Variants in GPM6A observed in about 807,000 individuals in gnomAD.
The protein encoded by GPM6A is neuronal membrane glycoprotein M6-a.
GPM6A carries 7 observed loss-of-function variants against 32.1 expected under a neutral mutation model. That is an observed-to-expected ratio of 0.22 (90% CI 0.12 to 0.41). GPM6A has a LOEUF of 0.41. Ranked by LOEUF, GPM6A falls within the 10% of genes least tolerant of loss-of-function variation. The probability of loss-of-function intolerance (pLI) is 1.00; values close to 1 mark genes in which losing one functional copy is unlikely to be tolerated. For synonymous variants in GPM6A, 130 were observed against 123.4 expected, an observed-to-expected ratio of 1.05 and a Z score of -0.35; for missense variants, 235 against 347.2, an observed-to-expected ratio of 0.68 and a Z score of 2.57.
At chr4:175,648,059 C>T (rs1741571660) in intron 4 of GPM6A, among the ~76,000 whole-genome samples, 1 of 151,834 alleles carries the variant, frequency 6.6e-6, no homozygotes, top group Admixed American at 6.6e-5. Flanking sequence ...ATAATTTTAA[C>T]CACATATTTA....
intron 1 of GPM6A, among the ~76,000 whole-genome samples, chr4:175,715,448 G>A (rs1380116376): frequency 6.6e-6 from 1 of 152,074 alleles, no homozygotes; most frequent in East Asian, 1.9e-4. Flanking sequence ...TTGCACGTAC[G>A]GCACCTCAGC....
chr4:175,708,842 T>G (rs1027416868), intron 1 of GPM6A, among the ~76,000 whole-genome samples: 1 of 152,156 alleles, frequency 6.6e-6, no homozygotes, highest in Non-Finnish European at 1.5e-5. Flanking sequence ...CTAGTGAAGT[T>G]TATACCAGCC....
chr4:175,637,668 A>ATATTATATAATATAT (rs79302257), intron 6 of GPM6A, among the ~76,000 whole-genome samples: 1 of 63,712 alleles, frequency 1.6e-5, no homozygotes, highest in Non-Finnish European at 2.4e-5. Context: ...AATATATAAT[A>ATATTATATAATATAT]TATATAATAT....
intron 1 of GPM6A, among the ~76,000 whole-genome samples, chr4:175,715,203 T>C (rs1206438420): frequency 6.6e-6 from 1 of 152,182 alleles, no homozygotes; most frequent in Non-Finnish European, 1.5e-5. Context: ...AAAATACTCA[T>C]TCATTCATTT....
chr4:175,703,627 G>GGA (rs1324839463), intron 1 of GPM6A, among the ~76,000 whole-genome samples: 2 of 152,214 alleles, frequency 1.3e-5, no homozygotes, highest in Non-Finnish European at 2.9e-5. Flanking sequence ...AGAAAATGAT[G>GGA]GTAAATATTC....
intron 1 of GPM6A, among the ~76,000 whole-genome samples, chr4:175,908,968 T>C (rs1323653297): frequency 7.3e-6 from 1 of 137,740 alleles, no homozygotes; most frequent in Non-Finnish European, 1.5e-5. Context: ...TTCCCATCGC[T>C]CTTGAACGAG....
chr4:175,950,804 A>G (rs541966481), intron 1 of GPM6A, among the ~76,000 whole-genome samples: 1 of 152,346 alleles, frequency 6.6e-6, no homozygotes, highest in South Asian at 2.1e-4. Flanking sequence ...ACCTTAAATG[A>G]TTAATAGCAA....
upstream of GPM6A, chr4:175,812,720 C>T (rs1734978845): frequency 2.1e-5 from 21 of 985,568 alleles, no homozygotes; most frequent in South Asian, 9.4e-4. Flanking sequence ...AAGCCGACCA[C>T]CAACCCGTAA....
intron 1 of GPM6A, among the ~76,000 whole-genome samples, chr4:175,959,783 C>G (rs1201887673): frequency 3.3e-5 from 5 of 152,080 alleles, no homozygotes; most frequent in African/African-American, 1.2e-4. Context: ...ATAGAAATGG[C>G]CAATCATCTG....
upstream of GPM6A, chr4:175,812,394 G>C: frequency 1.5e-6 from 2 of 1,316,266 alleles, no homozygotes; most frequent in East Asian, 3.0e-5. Flanking sequence ...CTTAGCTCAG[G>C]CTCCCTCGTT....
intron 1 of GPM6A, among the ~76,000 whole-genome samples, chr4:175,749,531 G>T (rs543628657): frequency 4.6e-5 from 7 of 152,254 alleles, no homozygotes; most frequent in African/African-American, 1.7e-4. Context: ...TAACTTTAAA[G>T]CATACAGAAG....
At position 175,684,574 on chromosome 4, in the gene GPM6A, T is replaced by A. The variant is rs543264545; in HGVS notation, c.231-10738A>T. Among the ~76,000 whole-genome samples, 19 of 152,314 alleles carry A rather than the reference T, an allele frequency of 1.2e-4. 1 individual carries two copies. The South Asian group carries it at 3.7e-3, about 30-fold the overall frequency. ...TCAATTTTATCTAAAAGATAAAATC[T>A]AACTTTATCTTTTTTTCAAAATGGC... is the stretch of plus-strand genomic sequence containing the variant. On this transcript the variant is annotated intron_variant, in intron 2 of 6. Transcript: ENST00000393658.
chr4:175,990,999 T>A (rs1163552278), intron 1 of GPM6A, among the ~76,000 whole-genome samples: 3 of 152,106 alleles, frequency 2.0e-5, no homozygotes, highest in Non-Finnish European at 4.4e-5. Context: ...TAGAGAAATT[T>A]GCTTTCTTAC....
At chr4:175,931,709 C>CACATATATAT (rs1324269132) in intron 1 of GPM6A, among the ~76,000 whole-genome samples, 20 of 129,330 alleles carry the variant, frequency 1.5e-4, no homozygotes, top group African/African-American at 5.4e-4. Flanking sequence ...CACACACACA[C>CACATATATAT]ATATATATAT....
chr4:175,688,472 T>C (rs1744118046), intron 2 of GPM6A, among the ~76,000 whole-genome samples: 1 of 152,206 alleles, frequency 6.6e-6, no homozygotes, highest in African/African-American at 2.4e-5. Flanking sequence ...TGTCATTGTG[T>C]CTTCTTGGTG....
chr4:175,976,841 T>A (rs1029018193), intron 1 of GPM6A, among the ~76,000 whole-genome samples: 1 of 152,016 alleles, frequency 6.6e-6, no homozygotes, highest in African/African-American at 2.4e-5. Flanking sequence ...ACACACAAAT[T>A]GCATAACAAG....
intron 1 of GPM6A, among the ~76,000 whole-genome samples, chr4:175,886,400 A>G (rs1737456636): frequency 6.6e-6 from 1 of 152,214 alleles, no homozygotes; most frequent in African/African-American, 2.4e-5. Context: ...AGAACCTTAA[A>G]GCAGGCTAAA....
Position 175,668,507 on chromosome 4 carries a change from A to G in GPM6A, c.387+5173T>C, listed in dbSNP as rs895793698. Among the ~76,000 whole-genome samples, 21 of 27,260 alleles carry G rather than the reference A, an allele frequency of 7.7e-4. No individual in the cohort carries two copies. The Admixed American group carries it at 0.013, about 17-fold the overall frequency. The allele number at this position is 27,260 out of a possible 152,430, so 17.9% of individuals were successfully genotyped here. A position where few individuals can be genotyped will look rare whatever the true frequency, so the allele number is the denominator to read the frequency against. On this transcript the variant is annotated intron_variant, in intron 3 of 6. Transcript: ENST00000393658. ...AGGAATTCTATTCCCACAGTTTAGGATTCAAACGTTTATGTGTGTGTGTGT... is the reference window on the plus strand; with the variant it reads ...AGGAATTCTATTCCCACAGTTTAGGGTTCAAACGTTTATGTGTGTGTGTGT...
intron 1 of GPM6A, among the ~76,000 whole-genome samples, chr4:175,731,976 T>TC (rs1161230798): frequency 6.7e-6 from 1 of 150,016 alleles, no homozygotes; most frequent in Non-Finnish European, 1.5e-5. Context: ...ATTTTTTTTT[T>TC]TTTTTTTCGT....
Sources: allele counts gnomAD v4.1 joint callset (sites outside exome capture counted in the v4.1 genomes callset), GRCh38; gene constraint gnomAD v4.1.1; transcripts MANE v1.5; gene names NCBI Gene and HGNC (gene_info 2026-07-23, HGNC 2026-07-21).